The following MICAL3 variants were observed in gnomAD, a reference collection of about 807,000 sequenced individuals.
The protein encoded by MICAL3 is [F-actin]-monooxygenase MICAL3.
In MICAL3, 62 loss-of-function variants were observed where a neutral mutation model predicts 207.4. The ratio of observed to expected loss-of-function variants is 0.30; its 90% CI spans 0.24 to 0.37. The LOEUF (loss-of-function observed/expected upper bound fraction) is 0.37, where lower values mean the gene tolerates loss of function less well. MICAL3 is among the 10% of genes least tolerant of loss of function. The pLI is 1.00. For missense variants in MICAL3, 2,368 were observed against 2,635.6 expected, an observed-to-expected ratio of 0.90 and a Z score of 2.22; for synonymous variants, 1,077 against 1,069.3, an observed-to-expected ratio of 1.01 and a Z score of -0.14.
In MICAL3 at chr22:17,817,879, C is replaced by T. The variant is rs1352479170; in HGVS notation, c.4782G>A (p.Glu1594=). ...ACTTCTCCCTGGCTCGCATGCGCTC[C>T]TCGGCCAACTCCTTGGCTTCCGCGG... is the stretch of plus-strand genomic sequence containing the variant. ...LVSAEAKELA[E]ERMRAREKSV... is the part of the protein sequence containing the mutation. Residue 1594 remains glutamate, a synonymous_variant, in exon 26 of 32, where the codon GAG becomes GAA. Transcript: ENST00000441493. 1.2e-6 allele frequency: 2 copies of T among 1,612,434 alleles called. No individual in the cohort carries two copies. Among genetic ancestry groups the T allele is most frequent in the Admixed American group, 3.3e-5 (2 of 60,014 alleles).
At chr22:17,822,612 T>C (rs958442674) in intron 23 of MICAL3, among the ~76,000 whole-genome samples, 1 of 152,152 alleles carries the variant, frequency 6.6e-6, no homozygotes, top group African/African-American at 2.4e-5. Context: ...CCCAGCCTCG[T>C]CCCTGACCCC....
intron 1 of MICAL3, among the ~76,000 whole-genome samples, chr22:17,927,075 A>C (rs751827071): frequency 5.3e-5 from 8 of 152,168 alleles, no homozygotes; most frequent in Non-Finnish European, 1.0e-4. Flanking sequence ...TGTACCCATT[A>C]AACACTGGCT....
intron 20 of MICAL3, among the ~76,000 whole-genome samples, chr22:17,834,833 A>G (rs965669007): frequency 6.6e-6 from 1 of 152,252 alleles, no homozygotes; most frequent in African/African-American, 2.4e-5. Context: ...AACAATACAT[A>G]ACCTAGTGCA....
At chr22:17,946,986 CAA>C (rs1034033996) in intron 1 of MICAL3, among the ~76,000 whole-genome samples, 1 of 152,180 alleles carries the variant, frequency 6.6e-6, no homozygotes, top group African/African-American at 2.4e-5. Context: ...CTTCAGATTT[CAA>C]AGAGTATGGA....
At chr22:17,794,121 A>G (rs1435967136) in intron 29 of MICAL3, among the ~76,000 whole-genome samples, 1 of 152,142 alleles carries the variant, frequency 6.6e-6, no homozygotes, top group Non-Finnish European at 1.5e-5. Flanking sequence ...TTCCTCCAAG[A>G]GGGATGATGT....
chr22:17,931,367 C>T (rs1377804456), intron 1 of MICAL3, among the ~76,000 whole-genome samples: 1 of 152,178 alleles, frequency 6.6e-6, no homozygotes, highest in Non-Finnish European at 1.5e-5. Flanking sequence ...ATCTGAGGGA[C>T]CCAGCAGCCT....
chr22:17,984,896 CCCCAGGCAGCCTGGCTCCAGAG>C (rs1392806541), intron 1 of MICAL3, among the ~76,000 whole-genome samples: 1 of 152,146 alleles, frequency 6.6e-6, no homozygotes, highest in Non-Finnish European at 1.5e-5. Context: ...CACAACTCAA[CCCCAGGCAGCCTGGCTCCAGAG>C]CCCAGGCCCT....
intron 11 of MICAL3, 116 bp from the exon 12 acceptor site, chr22:17,891,748 C>T: frequency 1.1e-6 from 1 of 888,846 alleles, no homozygotes; most frequent in African/African-American, 1.7e-5. Flanking sequence ...AGGGACGAAA[C>T]AGTCAACACT....
At chr22:17,996,003 A>C (rs557798098) in intron 1 of MICAL3, among the ~76,000 whole-genome samples, 1 of 152,040 alleles carries the variant, frequency 6.6e-6, no homozygotes, top group Non-Finnish European at 1.5e-5. Context: ...TCTACAAAAA[A>C]TTTTAAAAAT....
chr22:17,929,726 C>A (rs946761956), intron 1 of MICAL3, among the ~76,000 whole-genome samples: 1 of 152,010 alleles, frequency 6.6e-6, no homozygotes, highest in Non-Finnish European at 1.5e-5. Flanking sequence ...CGCCACCACG[C>A]CTGGCTAATT....
At position 18,015,422 on chromosome 22, in the gene MICAL3, C is replaced by CTTTTTTT. The variant is rs34098867; in HGVS notation, c.-75+8852_-75+8858dup. ...TACAAATTTAAGATTTAAGACTCAT[C>CTTTTTTT]TTTTTTTTTTTTTTTTTTTTGAGAT... On this transcript the variant is annotated intron_variant, in intron 1 of 31. Transcript: ENST00000441493. Among the ~76,000 whole-genome samples, 17 of 105,568 alleles carry CTTTTTTT rather than the reference C, an allele frequency of 1.6e-4. 2 individuals are homozygous for CTTTTTTT. Among genetic ancestry groups the CTTTTTTT allele is most frequent in the East Asian group, 2.8e-4 (1 of 3,602 alleles). 69.3% of individuals were successfully genotyped at this position (105,568 alleles called of 152,430 possible). A position where few individuals can be genotyped will look rare whatever the true frequency, so the allele number is the denominator to read the frequency against.
intron 1 of MICAL3, among the ~76,000 whole-genome samples, chr22:17,922,464 A>G (rs972642565): frequency 2.0e-5 from 3 of 152,176 alleles, no homozygotes; most frequent in African/African-American, 4.8e-5. Flanking sequence ...TCCCTAAGGC[A>G]TATTAGGAGT....
intron 21 of MICAL3, among the ~76,000 whole-genome samples, chr22:17,828,125 AAG>A (rs902669580): frequency 2.2e-4 from 34 of 152,302 alleles, no homozygotes; most frequent in African/African-American, 6.7e-4. Flanking sequence ...AAGATGGAAA[AAG>A]AGCAGATTCC....
intron 15 of MICAL3, among the ~76,000 whole-genome samples, chr22:17,886,688 C>T (rs552158024): frequency 1.3e-5 from 2 of 152,072 alleles, no homozygotes; most frequent in African/African-American, 4.8e-5. Context: ...ACCTGTAATC[C>T]CAGCTACTTG....
At chr22:17,921,161 G>A (rs543601906) in intron 1 of MICAL3, among the ~76,000 whole-genome samples, 73 of 152,180 alleles carry the variant, frequency 4.8e-4, no homozygotes, top group African/African-American at 1.6e-3. Context: ...TCATCTCTCT[G>A]CCCACCTGTG....
chr22:17,976,650 C>T (rs1243263882), intron 1 of MICAL3, among the ~76,000 whole-genome samples: 2 of 134,556 alleles, frequency 1.5e-5, no homozygotes, highest in African/African-American at 5.6e-5. Context: ...AGTACACTGG[C>T]GCGATCTCGG....
intron 1 of MICAL3, among the ~76,000 whole-genome samples, chr22:18,015,419 C>CAT (rs1923990987): frequency 8.2e-6 from 1 of 121,808 alleles, no homozygotes; most frequent in African/African-American, 3.6e-5. Context: ...ATTTAAGACT[C>CAT]ATCTTTTTTT....
chr22:17,879,200 T>C, intron 16 of MICAL3: 1 of 618,548 alleles, frequency 1.6e-6, no homozygotes, highest in Non-Finnish European at 2.8e-6. Context: ...GCAAAAAGAA[T>C]TCTGGCTCTT....
At chr22:17,943,967 C>T (rs1000130141) in intron 1 of MICAL3, among the ~76,000 whole-genome samples, 2 of 152,192 alleles carry the variant, frequency 1.3e-5, no homozygotes, top group South Asian at 2.1e-4. Flanking sequence ...AAACAGGCAC[C>T]CCAGGGATGC....
Sources: gnomAD v4.1 joint callset for allele counts (sites outside exome capture counted in the v4.1 genomes callset) on GRCh38, gnomAD v4.1.1 for gene constraint, MANE v1.5 for transcripts, NCBI Gene and HGNC (gene_info 2026-07-23, HGNC 2026-07-21) for gene names.